Variants in OVOL2 observed in about 807,000 individuals in gnomAD.
OVOL2 encodes transcription factor Ovo-like 2.
A neutral mutation model predicts 18.1 loss-of-function variants in OVOL2; 13 were observed. The ratio of observed to expected loss-of-function variants is 0.72; its 90% CI spans 0.47 to 1.14. OVOL2 has a LOEUF of 1.14. Ranked by LOEUF, OVOL2 falls within the 50% of genes most tolerant of loss-of-function variation. The probability of loss-of-function intolerance (pLI) is 0.00; values close to 1 mark genes in which losing one functional copy is unlikely to be tolerated. For synonymous variants in OVOL2, 166 were observed against 162.7 expected (o/e 1.02, Z -0.16); for missense variants, 335 against 383.0 (o/e 0.87, Z 1.05).
chr20:18,049,877 T>G (rs1386717524), intron 2 of OVOL2, among the ~76,000 whole-genome samples: 1 of 152,062 alleles, frequency 6.6e-6, no homozygotes, highest in Non-Finnish European at 1.5e-5. Context: ...TGTCAGACTA[T>G]CAACACTAAG....
intron 3 of OVOL2, among the ~76,000 whole-genome samples, chr20:18,036,809 A>G (rs1435880598): frequency 2.6e-5 from 4 of 152,138 alleles, no homozygotes; most frequent in Non-Finnish European, 4.4e-5. Context: ...GTTTCCCTTT[A>G]TCTCACCTTC....
Position 18,057,160 on chromosome 20 carries a change from G to A in OVOL2, c.101-283C>T, listed in dbSNP as rs902220930. On this transcript the variant is annotated intron_variant, in intron 1 of 3. Transcript: ENST00000278780. The surrounding 1 kb of genome is among the most constrained non-coding windows in gnomAD (Gnocchi z 6.3). ...CGCCAAGTTTCCTCTCAGGGCGGGG[G>A]AGGCGGATCTGACCTCTCCCCAGCT... Among the ~76,000 whole-genome samples the A allele has an allele frequency of 1.3e-5, 2 of 150,850 alleles. No homozygotes were observed. Among genetic ancestry groups the A allele is most frequent in the Non-Finnish European group, 3.0e-5 (2 of 67,696 alleles).
intron 3 of OVOL2, among the ~76,000 whole-genome samples, chr20:18,032,234 G>A (rs536569388): frequency 2.8e-4 from 42 of 150,394 alleles, no homozygotes; most frequent in Non-Finnish European, 4.0e-4. Flanking sequence ...GGAAGGAAGC[G>A]AGGAAGAAGG....
At position 18,024,856 on chromosome 20, in the gene OVOL2, T is replaced by G. The variant is rs755398877; in HGVS notation, c.608A>C (p.Gln203Pro). ...HLKKIHGVQQ[Q>P]YAYKQRRDKL... ...GTCCCGCCGCTGCTTATAGGCATAC[T>G]GCTGCTGCACCCCATGGATTTTCTT... The change falls in exon 4 of 4, where the codon CAG (glutamine) becomes CCG (proline). Residue 203 changes from glutamine to proline, a missense_variant. Gln to Pro is a moderately conservative substitution (Grantham distance 76). Coordinates refer to ENST00000278780, the MANE Select transcript of OVOL2 (RefSeq NM_021220.4). The G allele has an allele frequency of 1.2e-5, 20 of 1,614,238 alleles. No homozygotes were observed. In the South Asian group the frequency reaches 1.3e-4, roughly 11 times the overall value.
intron 2 of OVOL2, among the ~76,000 whole-genome samples, chr20:18,055,052 G>A (rs539979035): frequency 2.0e-5 from 3 of 152,242 alleles, no homozygotes; most frequent in South Asian, 4.1e-4. Context: ...ATGGAAAGAA[G>A]ACTCTTAACG....
intron 3 of OVOL2, among the ~76,000 whole-genome samples, chr20:18,040,578 A>G (rs944033331): frequency 1.3e-5 from 2 of 152,130 alleles, no homozygotes; most frequent in African/African-American, 4.8e-5. Context: ...GGTGTGGACA[A>G]TGGAGCTCAG....
At chr20:18,033,175 T>C (rs1368732915) in intron 3 of OVOL2, among the ~76,000 whole-genome samples, 1 of 152,222 alleles carries the variant, frequency 6.6e-6, no homozygotes, top group Non-Finnish European at 1.5e-5. Context: ...CACCATTGTT[T>C]TCTCTTCTTT....
At position 18,056,659 on chromosome 20, in the gene OVOL2, T is replaced by G; in HGVS notation, c.319A>C (p.Lys107Gln). ...KQRPVARSKI[K>Q]FTTGTCSDSV... ...CGGGGGCAGAGTCGACACAGTACCT[T>G]GATTTTCGATCTGGCGACCGGGCGC... The change falls in exon 2 of 4, where the codon AAG becomes CAG. Residue 107 changes from lysine to glutamine, a missense_variant and splice_region_variant. Physicochemically the swap from Lys to Gln is moderately conservative, Grantham distance 53. Transcript: ENST00000278780. This position sits in a 1 kb window ranked among gnomAD's most constrained non-coding sequence, Gnocchi z 4.2. 3 of 1,426,884 alleles carry G rather than the reference T, an allele frequency of 2.1e-6. No homozygotes were observed. 88.4% of individuals were successfully genotyped at this position (1,426,884 alleles called of 1,614,324 possible). A position where few individuals can be genotyped will look rare whatever the true frequency, so the allele number is the denominator to read the frequency against.
Position 18,031,622 on chromosome 20 carries a change from A to C in OVOL2, c.512-6670T>G, listed in dbSNP as rs533696776. The stretch of plus-strand genomic sequence containing the variant: ...ACATAAGCTGGCTGCTGGGTACATG[A>C]GTATTTCGCAGATTTGTCTTTAAAC... On this transcript the variant is annotated intron_variant, in intron 3 of 3. Transcript: ENST00000278780. Among the ~76,000 whole-genome samples the C allele has an allele frequency of 6.1e-4, 93 of 152,296 alleles. 1 individual carries two copies. Among genetic ancestry groups the C allele is most frequent in the Admixed American group, 1.2e-3 (19 of 15,286 alleles).
chr20:18,032,398 G>GAGGA (rs370951026), intron 3 of OVOL2, among the ~76,000 whole-genome samples: 1 of 141,450 alleles, frequency 7.1e-6, no homozygotes, highest in Non-Finnish European at 1.5e-5. Flanking sequence ...GGAAGGAAGG[G>GAGGA]AGGAAGGAAG....
intron 2 of OVOL2, among the ~76,000 whole-genome samples, chr20:18,052,947 AGCACAAAAGGGACC>A (rs1320809266): frequency 6.6e-6 from 1 of 152,274 alleles, no homozygotes; most frequent in Non-Finnish European, 1.5e-5. Flanking sequence ...AGATGGATCC[AGCACAAAAGGGACC>A]TGCCATGCAC....
intron 3 of OVOL2, among the ~76,000 whole-genome samples, chr20:18,032,647 C>G (rs1313215934): frequency 6.6e-6 from 1 of 152,030 alleles, no homozygotes; most frequent in Non-Finnish European, 1.5e-5. Flanking sequence ...GCTGGGATTA[C>G]AGGCGCCAGC....
At position 18,056,915 on chromosome 20, in the gene OVOL2, G is replaced by A. The variant is rs536392213; in HGVS notation, c.101-38C>T. 1.3e-5 allele frequency: 19 copies of A among 1,455,028 alleles called. No individual in the cohort carries two copies. The highest frequency in any genetic ancestry group is 1.7e-5 in the Non-Finnish European group (19 of 1,112,036). The allele number at this position is 1,455,028 out of a possible 1,614,324, so 90.1% of individuals were successfully genotyped here. ...GGGCCGCGCCCCGACACACACACTCGGCGTCAACCCGCACGCCCGCGGCAG... is the reference window on the plus strand; with the variant it reads ...GGGCCGCGCCCCGACACACACACTCAGCGTCAACCCGCACGCCCGCGGCAG... On this transcript the variant is annotated intron_variant, in intron 1 of 3. Transcript: ENST00000278780. The surrounding 1 kb of genome is among the most constrained non-coding windows in gnomAD (Gnocchi z 4.2).
intron 3 of OVOL2, among the ~76,000 whole-genome samples, chr20:18,030,301 A>G (rs1432107690): frequency 1.3e-5 from 2 of 152,226 alleles, no homozygotes; most frequent in African/African-American, 2.4e-5. Context: ...CCTTCAGCTC[A>G]TCAGAGCAGA....
upstream of OVOL2, among the ~76,000 whole-genome samples, chr20:18,058,164 C>A (rs2036848212): frequency 6.6e-6 from 1 of 152,166 alleles, no homozygotes; most frequent in African/African-American, 2.4e-5. Context: ...AGGTTCGCCT[C>A]CCAGGGCACC....
intron 2 of OVOL2, among the ~76,000 whole-genome samples, chr20:18,043,149 G>A (rs2036690540): frequency 1.3e-5 from 2 of 152,168 alleles, no homozygotes; most frequent in South Asian, 4.1e-4. Flanking sequence ...GAGGTGGGAG[G>A]AGCAGAAAGG....
intron 3 of OVOL2, among the ~76,000 whole-genome samples, chr20:18,032,169 C>T (rs1035063067): frequency 6.7e-6 from 1 of 150,266 alleles, no homozygotes; most frequent in Admixed American, 6.7e-5. Flanking sequence ...ACAAGATATA[C>T]TCATGGTAGG....
intron 3 of OVOL2, among the ~76,000 whole-genome samples, chr20:18,033,386 T>G (rs1286140347): frequency 6.6e-6 from 1 of 152,184 alleles, no homozygotes; most frequent in Non-Finnish European, 1.5e-5. Flanking sequence ...CCTCCTTTAT[T>G]CCAGCCAGCG....
intron 3 of OVOL2, among the ~76,000 whole-genome samples, chr20:18,031,750 G>A (rs999027737): frequency 8.5e-5 from 13 of 152,106 alleles, no homozygotes; most frequent in African/African-American, 2.7e-4. Context: ...GACTGCTTTC[G>A]CCGTCTGCCC....
Sources: allele counts gnomAD v4.1 joint callset (sites outside exome capture counted in the v4.1 genomes callset), GRCh38; gene constraint gnomAD v4.1.1; non-coding constraint Gnocchi (gnomAD v3.1); transcripts MANE v1.5; gene names NCBI Gene and HGNC (gene_info 2026-07-23, HGNC 2026-07-21).